Variants in SCARB1 observed in about 807,000 individuals in gnomAD.
SCARB1 encodes scavenger receptor class B member 1, also known as CD36 and LIMPII analogous 1.
A neutral mutation model predicts 57.2 loss-of-function variants in SCARB1; 30 were observed. The ratio of observed to expected loss-of-function variants is 0.52; its 90% CI spans 0.39 to 0.71. The LOEUF (loss-of-function observed/expected upper bound fraction) is 0.71. Ranked by LOEUF, SCARB1 falls within the 30% of genes least tolerant of loss-of-function variation. The pLI is 0.00. For synonymous variants in SCARB1, 249 were observed against 268.3 expected (o/e 0.93, Z 0.70); for missense variants, 543 against 671.2 (o/e 0.81, Z 2.11).
chr12:124,860,622 G>A (rs143143860), intron 1 of SCARB1, among the ~76,000 whole-genome samples: 7 of 152,324 alleles, frequency 4.6e-5, no homozygotes, highest in East Asian at 3.9e-4. Context: ...CAATTTGGCC[G>A]TAATCATCAA....
intron 12 of SCARB1, among the ~76,000 whole-genome samples, chr12:124,779,088 C>G (rs900951924): frequency 6.6e-6 from 1 of 152,044 alleles, no homozygotes; most frequent in African/African-American, 2.4e-5. Context: ...GTGGCCGGGA[C>G]AATGACACGT....
chr12:124,821,109 G>A (rs1236815133), intron 1 of SCARB1, among the ~76,000 whole-genome samples: 2 of 151,974 alleles, frequency 1.3e-5, no homozygotes, highest in East Asian at 3.9e-4. Context: ...GTGGTGGCAG[G>A]TGCCTATAGT....
intron 5 of SCARB1, among the ~76,000 whole-genome samples, chr12:124,811,017 A>C (rs1950506374): frequency 6.6e-6 from 1 of 152,220 alleles, no homozygotes; most frequent in African/African-American, 2.4e-5. Context: ...AGTCATTTTC[A>C]CACATATTGA....
intron 8 of SCARB1, among the ~76,000 whole-genome samples, chr12:124,797,127 A>T (rs951334017): frequency 6.6e-6 from 1 of 152,068 alleles, no homozygotes; most frequent in East Asian, 1.9e-4. Context: ...CATCTCCTAC[A>T]TGTTGTCACA....
Position 124,786,332 on chromosome 12 carries a change from G to A in SCARB1, c.1401+25C>T, listed in dbSNP as rs771790664. On this transcript the variant is annotated intron_variant, in intron 11 of 12. Coordinates refer to ENST00000261693, the MANE Select transcript of SCARB1 (RefSeq NM_005505.5). ...CAGGCAAGCGAATGGCTGTCAGCCCGGGCTGCCCTCTGGCCAGCACCTACT... is the reference window on the plus strand; with the variant it reads ...CAGGCAAGCGAATGGCTGTCAGCCCAGGCTGCCCTCTGGCCAGCACCTACT... 1.6e-5 allele frequency: 25 copies of A among 1,612,544 alleles called. No homozygotes were observed. The Middle Eastern group carries it at 4.9e-4, about 32-fold the overall frequency.
At chr12:124,798,700 G>T (rs182607559) in intron 8 of SCARB1, among the ~76,000 whole-genome samples, 13 of 150,814 alleles carry the variant, frequency 8.6e-5, no homozygotes, top group Non-Finnish European at 1.8e-4. Context: ...AAAATTAGCC[G>T]GGTGTGGTGG....
At chr12:124,834,207 C>T (rs1421431366) in intron 1 of SCARB1, among the ~76,000 whole-genome samples, 1 of 152,230 alleles carries the variant, frequency 6.6e-6, no homozygotes, top group African/African-American at 2.4e-5. Context: ...AGCAGGCCTC[C>T]CAAGCCAGTG....
At chr12:124,829,140 G>A (rs1228427607) in intron 1 of SCARB1, among the ~76,000 whole-genome samples, 3 of 152,316 alleles carry the variant, frequency 2.0e-5, no homozygotes, top group Non-Finnish European at 4.4e-5. Context: ...AGAAACCCAC[G>A]CTTGTAAGTT....
At chr12:124,825,756 A>G (rs1951132920) in intron 1 of SCARB1, among the ~76,000 whole-genome samples, 1 of 152,226 alleles carries the variant, frequency 6.6e-6, no homozygotes, top group African/African-American at 2.4e-5. Context: ...AGTAAACGCC[A>G]TCGACTTGCA....
In SCARB1 at chr12:124,796,105, C is replaced by T. The variant is rs1362683751; in HGVS notation, c.1129-837G>A. Among the ~76,000 whole-genome samples the T allele has an allele frequency of 6.6e-6, 1 of 152,222 alleles. No homozygotes were observed. The highest frequency in any genetic ancestry group is 2.4e-5 in the African/African-American group (1 of 41,452). ...AGTAGCTGGGACTACAGGTGTGCGC[C>T]AGCACACTCGGCTAATTTTTGTATT... On this transcript the variant is annotated intron_variant, in intron 8 of 12. Coordinates refer to ENST00000261693, the MANE Select transcript of SCARB1 (RefSeq NM_005505.5). The surrounding 1 kb of genome is among the most constrained non-coding windows in gnomAD (Gnocchi z 4.0).
intron 6 of SCARB1, among the ~76,000 whole-genome samples, chr12:124,809,270 T>C (rs1269546537): frequency 6.6e-6 from 1 of 151,968 alleles, no homozygotes; most frequent in African/African-American, 2.4e-5. Context: ...TCATGCAACT[T>C]TTCTTTAAGT....
In SCARB1 at chr12:124,796,350, A is replaced by G. The variant is rs1167635557; in HGVS notation, c.1129-1082T>C. Reference sequence around the variant, plus strand: ...AGTGATCTTCCTGCCTCAGCCTCCCAAAGCAGTGGAATTACAGCCATGAGC... The same window carrying G: ...AGTGATCTTCCTGCCTCAGCCTCCCGAAGCAGTGGAATTACAGCCATGAGC... On this transcript the variant is annotated intron_variant, in intron 8 of 12. Coordinates refer to ENST00000261693, the MANE Select transcript of SCARB1 (RefSeq NM_005505.5). The surrounding 1 kb of genome is among the most constrained non-coding windows in gnomAD (Gnocchi z 4.0). Among the ~76,000 whole-genome samples the G allele has an allele frequency of 6.6e-6, 1 of 152,140 alleles. No homozygotes were observed.
intron 7 of SCARB1, among the ~76,000 whole-genome samples, chr12:124,804,872 C>A (rs1378624467): frequency 6.6e-6 from 1 of 152,216 alleles, no homozygotes; most frequent in East Asian, 1.9e-4. Flanking sequence ...TCCGGTCCTA[C>A]CAACCCTGTG....
intron 1 of SCARB1, among the ~76,000 whole-genome samples, chr12:124,818,979 T>A (rs11057828): frequency 0.34 from 51,384 of 151,840 alleles, 9,851 homozygotes; most frequent in Non-Finnish European, 0.44. Flanking sequence ...TTTTAAAAAG[T>A]AGCTGGGCAT....
chr12:124,823,916 G>A (rs759955020), intron 1 of SCARB1, among the ~76,000 whole-genome samples: 1 of 152,062 alleles, frequency 6.6e-6, no homozygotes, highest in Non-Finnish European at 1.5e-5. Flanking sequence ...TGTAATCCCA[G>A]CACTTTGGGA....
chr12:124,859,884 C>T lies in SCARB1; in HGVS notation c.126+3711G>A, dbSNP rs59410982. ...TTTTTAAACATAAATAGCACCAGAG[C>T]TTTTTTCAATTAGTAATGTGTTTTT... On this transcript the variant is annotated intron_variant, in intron 1 of 12. Coordinates refer to ENST00000261693, the MANE Select transcript of SCARB1 (RefSeq NM_005505.5). 1.9e-3 allele frequency among the ~76,000 whole-genome samples: 281 copies of T among 149,654 alleles called. 2 individuals carry two copies. The highest frequency in any genetic ancestry group is 6.4e-3 in the African/African-American group (263 of 40,788).
chr12:124,791,826 G>A (rs1271851736), intron 9 of SCARB1, among the ~76,000 whole-genome samples: 1 of 152,122 alleles, frequency 6.6e-6, no homozygotes, highest in South Asian at 2.1e-4. Flanking sequence ...CGTGGTGGCG[G>A]GCACCTGTAA....
chr12:124,817,088 ATGTG>A lies in SCARB1; in HGVS notation c.284+458_284+461del, dbSNP rs200918605. Among the ~76,000 whole-genome samples the A allele has an allele frequency of 5.5e-5, 8 of 145,394 alleles. No individual in the cohort carries two copies. Among genetic ancestry groups the A allele is most frequent in the Non-Finnish European group, 1.0e-4 (7 of 66,954 alleles). On this transcript the variant is annotated intron_variant, in intron 2 of 12. Coordinates refer to ENST00000261693, the MANE Select transcript of SCARB1 (RefSeq NM_005505.5). This position sits in a 1 kb window ranked among gnomAD's most constrained non-coding sequence, Gnocchi z 4.8. ...TGTGTAGGTACATGTGTGTGTATGT[ATGTG>A]TGTGTGTATGTGTATGTACGTGTGT...
At chr12:124,791,896 GT>G (rs777637752) in intron 9 of SCARB1, among the ~76,000 whole-genome samples, 19 of 151,918 alleles carry the variant, frequency 1.3e-4, no homozygotes, top group Admixed American at 4.6e-4. Flanking sequence ...GGAGGTTGCA[GT>G]GAGCCGAAAT....
Sources: allele counts gnomAD v4.1 joint callset (sites outside exome capture counted in the v4.1 genomes callset), GRCh38; gene constraint gnomAD v4.1.1; non-coding constraint Gnocchi (gnomAD v3.1); transcripts MANE v1.5; gene names NCBI Gene and HGNC (gene_info 2026-07-23, HGNC 2026-07-21).